CTDSPL: variants seen among roughly 807,000 people sequenced by gnomAD.
CTDSPL encodes CTD small phosphatase-like protein.
A neutral mutation model predicts 30.5 loss-of-function variants in CTDSPL; 8 were observed. That is an observed-to-expected ratio of 0.26 (90% CI 0.15 to 0.47). The LOEUF is 0.47. CTDSPL is among the 20% of genes least tolerant of loss of function. CTDSPL has a pLI of 0.99. For missense variants in CTDSPL, 248 were observed against 366.1 expected (o/e 0.68, Z 2.63); for synonymous variants, 110 against 137.9 (o/e 0.80, Z 1.42).
chr3:37,936,505 A>G (rs905656497), intron 1 of CTDSPL, among the ~76,000 whole-genome samples: 1 of 152,094 alleles, frequency 6.6e-6, no homozygotes, highest in African/African-American at 2.4e-5. Flanking sequence ...TAATGTATGC[A>G]TAGACTGCCC....
chr3:37,895,811 A>G (rs1467528345), intron 1 of CTDSPL, among the ~76,000 whole-genome samples: 1 of 152,176 alleles, frequency 6.6e-6, no homozygotes, highest in East Asian at 1.9e-4. Flanking sequence ...AGGTATATAT[A>G]TTTGTCAAGA....
intron 1 of CTDSPL, among the ~76,000 whole-genome samples, chr3:37,908,278 G>A (rs1698540689): frequency 6.6e-6 from 1 of 152,168 alleles, no homozygotes; most frequent in African/African-American, 2.4e-5. Flanking sequence ...ATGTGTTTCT[G>A]TTTTTAAAAA....
At position 37,982,427 on chromosome 3, in the gene CTDSPL, C is replaced by T. The variant is rs771383446; in HGVS notation, c.*1560C>T. ...TGCTCTTAAAAACAATTAAAAAGAA[C>T]CCTTTCATATTGGCACCATTGCCTT... On this transcript the variant is annotated 3_prime_UTR_variant, in exon 8 of 8. Coordinates refer to ENST00000273179, the MANE Select transcript of CTDSPL (RefSeq NM_001008392.2). The T allele has an allele frequency of 2.5e-6, 1 of 397,896 alleles. No homozygotes were observed. The highest frequency in any genetic ancestry group is 5.0e-6 in the Non-Finnish European group (1 of 199,196). The allele number at this position is 397,896 out of a possible 1,614,324, so 24.6% of individuals were successfully genotyped here. A position where few individuals can be genotyped will look rare whatever the true frequency, so the allele number is the denominator to read the frequency against.
At chr3:37,956,926 G>A (rs1403166318) in intron 2 of CTDSPL, among the ~76,000 whole-genome samples, 185 bp from the exon 3 acceptor site, 1 of 152,156 alleles carries the variant, frequency 6.6e-6, no homozygotes, top group African/African-American at 2.4e-5. Flanking sequence ...GTGTCTGAGA[G>A]ACAGAAGGAG....
At chr3:37,874,211 A>C (rs921770793) in intron 1 of CTDSPL, among the ~76,000 whole-genome samples, 1 of 152,224 alleles carries the variant, frequency 6.6e-6, no homozygotes, top group African/African-American at 2.4e-5. Flanking sequence ...TAACTGTAGC[A>C]TCCCAGGTTG....
Position 37,862,888 on chromosome 3 carries a change from A to G in CTDSPL, c.79+610A>G, listed in dbSNP as rs184594695. On this transcript the variant is annotated intron_variant, in intron 1 of 7. Transcript: ENST00000273179. The surrounding 1 kb of genome is among the most constrained non-coding windows in gnomAD (Gnocchi z 4.3). Reference sequence around the variant, plus strand: ...TATGATTGTGTGACTACACCACCCAACTGGCGGATTGAATGTGTTGTATAC... The same window carrying G: ...TATGATTGTGTGACTACACCACCCAGCTGGCGGATTGAATGTGTTGTATAC... Among the ~76,000 whole-genome samples, 15 of 152,192 alleles carry G rather than the reference A, an allele frequency of 9.9e-5. No individual in the cohort carries two copies. The highest frequency in any genetic ancestry group is 8.5e-4 in the Admixed American group (13 of 15,294).
chr3:37,915,762 T>A (rs1698638508), intron 1 of CTDSPL, among the ~76,000 whole-genome samples: 1 of 152,234 alleles, frequency 6.6e-6, no homozygotes, highest in Admixed American at 6.5e-5. Flanking sequence ...GTGAACTGTT[T>A]CTATTGCCTG....
At chr3:37,873,380 T>G (rs1300786819) in intron 1 of CTDSPL, among the ~76,000 whole-genome samples, 1 of 152,208 alleles carries the variant, frequency 6.6e-6, no homozygotes, top group East Asian at 1.9e-4. Context: ...TCTCTTCGTC[T>G]GCAACTGTCG....
In CTDSPL at chr3:37,938,678, G is replaced by GT. The variant is rs574497096; in HGVS notation, c.80-8379_80-8378insT. On this transcript the variant is annotated intron_variant, in intron 1 of 7. Transcript: ENST00000273179. ...ATTTCATGTTTTTTGTTTTTTTGTG[G>GT]GTTTTTTTTTTGTTTTTTTTGAAAT... Among the ~76,000 whole-genome samples, 288 of 136,470 alleles carry GT rather than the reference G, an allele frequency of 2.1e-3. 4 individuals carry two copies. Among genetic ancestry groups the GT allele is most frequent in the African/African-American group, 7.9e-3 (270 of 34,026 alleles). 89.5% of individuals were successfully genotyped at this position (136,470 alleles called of 152,430 possible).
At chr3:37,912,942 A>C (rs1259655656) in intron 1 of CTDSPL, among the ~76,000 whole-genome samples, 1 of 152,192 alleles carries the variant, frequency 6.6e-6, no homozygotes, top group African/African-American at 2.4e-5. Context: ...ATCTTCACAA[A>C]AATTTTCCTT....
Position 37,967,826 on chromosome 3 carries a change from C to G in CTDSPL, c.370C>G (p.Pro124Ala). ...TAATTATAGTCTCTTTTTTCTCTAG[C>G]CTATTAGTAATGCTGATTTTATTGT... ...DETLVHSSFK[P>A]ISNADFIVPV... Residue 124 changes from proline to alanine, a missense_variant and splice_region_variant, in exon 5 of 8, where the codon CCT (proline) becomes GCT (alanine). Pro to Ala is a conservative substitution (Grantham distance 27). This residue lies in a region of CTDSPL where 45 missense variants were observed against 83.1 expected (regional missense o/e 0.54). Coordinates refer to ENST00000273179, the MANE Select transcript of CTDSPL (RefSeq NM_001008392.2). 1 of 1,586,450 alleles carries G rather than the reference C, an allele frequency of 6.3e-7. No individual in the cohort carries two copies. The highest frequency in any genetic ancestry group is 8.6e-7 in the Non-Finnish European group (1 of 1,166,944).
At chr3:37,927,986 A>C (rs1346060626) in intron 1 of CTDSPL, among the ~76,000 whole-genome samples, 1 of 151,978 alleles carries the variant, frequency 6.6e-6, no homozygotes, top group Non-Finnish European at 1.5e-5. Context: ...AATATCCTTT[A>C]TCTATGCTGT....
intron 1 of CTDSPL, among the ~76,000 whole-genome samples, chr3:37,931,664 A>G (rs1698856318): frequency 6.6e-6 from 1 of 151,228 alleles, no homozygotes; most frequent in Admixed American, 6.6e-5. Flanking sequence ...ATTTTCTTTT[A>G]TCTCCTATAG....
chr3:37,964,003 T>C (rs1431214105), intron 3 of CTDSPL, among the ~76,000 whole-genome samples: 1 of 133,524 alleles, frequency 7.5e-6, no homozygotes, highest in Admixed American at 8.7e-5. Context: ...CTATAGTTTG[T>C]CTTCAAGTTT....
chr3:37,897,404 A>G (rs549232230), intron 1 of CTDSPL, among the ~76,000 whole-genome samples: 2 of 152,270 alleles, frequency 1.3e-5, no homozygotes, highest in Admixed American at 1.3e-4. Context: ...TTTTTTCCCA[A>G]TTTAAAATGA....
chr3:37,911,274 C>G (rs954177440), intron 1 of CTDSPL, among the ~76,000 whole-genome samples: 1 of 152,170 alleles, frequency 6.6e-6, no homozygotes, highest in African/African-American at 2.4e-5. Context: ...TCAAGGTGAC[C>G]GAGCTCTAAG....
chr3:37,904,069 G>A (rs1698484164), intron 1 of CTDSPL, among the ~76,000 whole-genome samples: 1 of 152,214 alleles, frequency 6.6e-6, no homozygotes, highest in East Asian at 1.9e-4. Context: ...TCCAAGGCTG[G>A]AAGGCAGGAT....
chr3:37,910,509 AC>A (rs1398062184), intron 1 of CTDSPL, among the ~76,000 whole-genome samples: 1 of 152,096 alleles, frequency 6.6e-6, no homozygotes, highest in Non-Finnish European at 1.5e-5. Context: ...AAAACAAAAA[AC>A]AAAAAAAACC....
chr3:37,981,967 C>A lies in CTDSPL; in HGVS notation c.*1100C>A. Reference sequence around the variant, plus strand: ...CTCACTGCTAAGCTACAAACTCGGACAGGGTCAGAAACAGAGGTGTCCCAT... The same window carrying A: ...CTCACTGCTAAGCTACAAACTCGGAAAGGGTCAGAAACAGAGGTGTCCCAT... On this transcript the variant is annotated 3_prime_UTR_variant, in exon 8 of 8. Transcript: ENST00000273179. The A allele has an allele frequency of 2.2e-6, 1 of 450,968 alleles. No individual in the cohort carries two copies. The highest frequency in any genetic ancestry group is 4.5e-6 in the Non-Finnish European group (1 of 222,884). The allele number at this position is 450,968 out of a possible 1,614,324, so 27.9% of individuals were successfully genotyped here.
Sources: allele counts gnomAD v4.1 joint callset (sites outside exome capture counted in the v4.1 genomes callset), GRCh38; gene constraint gnomAD v4.1.1; regional missense constraint gnomAD v4.1.1; non-coding constraint Gnocchi (gnomAD v3.1); transcripts MANE v1.5; gene names NCBI Gene and HGNC (gene_info 2026-07-23, HGNC 2026-07-21).